The following CTNND1 variants were observed in gnomAD, a reference collection of about 807,000 sequenced individuals.
CTNND1 encodes catenin delta-1.
A neutral mutation model predicts 112.1 loss-of-function variants in CTNND1; 16 were observed. That is an observed-to-expected ratio of 0.14 (90% CI 0.10 to 0.22). CTNND1 has a LOEUF of 0.22. Among genes scored for constraint, CTNND1 ranks in the 10% least tolerant of loss-of-function variants. The probability of loss-of-function intolerance (pLI) is 1.00; values close to 1 mark genes in which losing one functional copy is unlikely to be tolerated. For synonymous variants in CTNND1, 420 were observed against 446.5 expected (o/e 0.94, Z 0.75); for missense variants, 1,008 against 1,257.0 (o/e 0.80, Z 3.00).
intron 3 of CTNND1, chr11:57,793,207 G>C (rs1406894302): frequency 6.6e-6 from 1 of 152,166 alleles, no homozygotes; most frequent in Admixed American, 6.5e-5. Flanking sequence ...AGTCTCCCAA[G>C]GTGGTTGGAT....
Position 57,816,374 on chromosome 11 carries a change from T to C in CTNND1, c.*66T>C, listed in dbSNP as rs2063996767. 1 of 1,600,844 alleles carries C rather than the reference T, an allele frequency of 6.2e-7. No homozygotes were observed. The highest frequency in any genetic ancestry group is 1.3e-5 in the African/African-American group (1 of 74,614). On this transcript the variant is annotated 3_prime_UTR_variant, in exon 21 of 21. Coordinates refer to ENST00000399050, the MANE Select transcript of CTNND1 (RefSeq NM_001085458.2). ...ATTTTTTGGTGGTGAAATTGACTGA[T>C]GATTTTCCTTTTTCTTCGCTGGACT...
intron 2 of CTNND1, 57 bp from the exon 3 acceptor site, chr11:57,791,328 A>C: frequency 7.9e-7 from 1 of 1,263,800 alleles, no homozygotes; most frequent in Non-Finnish European, 1.0e-6. Flanking sequence ...TTAATAATTC[A>C]TCTGTCTTCT....
rs11570192 is a variant in CTNND1, at chr11:57,793,945, G to A, written c.196-65G>A. 1.0e-3 allele frequency: 1,543 copies of A among 1,527,966 alleles called. 22 individuals carry two copies. In the African/African-American group the frequency reaches 0.019, roughly 19 times the overall value. 94.7% of individuals were successfully genotyped at this position (1,527,966 alleles called of 1,614,324 possible). ...CCTTTTCCTGTTTGAAAAAAAGATC[G>A]TTTGTATTTGATAGAGCAAAAGAAG... is the stretch of plus-strand genomic sequence containing the variant. On this transcript the variant is annotated intron_variant, in intron 3 of 20. Transcript: ENST00000399050.
In CTNND1 at chr11:57,810,113, C is replaced by T. The variant is rs567503673; in HGVS notation, c.2440C>T (p.Arg814Cys). Residue 814 changes from arginine to cysteine, a missense_variant, in exon 16 of 21, where the codon CGC becomes TGC. By Grantham distance (180) the Arg-to-Cys change is radical. This residue lies in a region of CTNND1 where 254 missense variants were observed against 279.5 expected (regional missense o/e 0.91). Coordinates refer to ENST00000399050, the MANE Select transcript of CTNND1 (RefSeq NM_001085458.2). ...TGGTGTTACTTTCCTCCAAAGGAACCGCTCAGAAAAAGAAGTTCGAGCAGC... is the reference window on the plus strand; with the variant it reads ...TGGTGTTACTTTCCTCCAAAGGAACTGCTCAGAAAAAGAAGTTCGAGCAGC... ...KLVLINKSGN[R>C]SEKEVRAAAL... 1.6e-5 allele frequency: 26 copies of T among 1,607,630 alleles called. No homozygotes were observed. The highest frequency in any genetic ancestry group is 1.2e-4 in the South Asian group (11 of 89,902).
chr11:57,765,707 ATCC>A (rs542026970), intron 1 of CTNND1, among the ~76,000 whole-genome samples: 134 of 152,166 alleles, frequency 8.8e-4, no homozygotes, highest in African/African-American at 2.9e-3. Flanking sequence ...GGCTCAAGCC[ATCC>A]TCCTACCTCG....
chr11:57,812,299 C>T (rs1403503255), intron 17 of CTNND1, among the ~76,000 whole-genome samples: 1 of 152,188 alleles, frequency 6.6e-6, no homozygotes, highest in Admixed American at 6.5e-5. Context: ...GCGGGCAGAT[C>T]ACCTGAGGTC....
intron 1 of CTNND1, among the ~76,000 whole-genome samples, chr11:57,764,390 A>G (rs1282765456): frequency 6.6e-6 from 1 of 152,180 alleles, no homozygotes; most frequent in Non-Finnish European, 1.5e-5. Flanking sequence ...CTAAGTAATT[A>G]CAATCCAGCC....
chr11:57,795,399 C>G (rs1189029412), intron 4 of CTNND1, among the ~76,000 whole-genome samples, 178 bp from the exon 5 acceptor site: 1 of 152,176 alleles, frequency 6.6e-6, no homozygotes, highest in Non-Finnish European at 1.5e-5. Flanking sequence ...GAAATTATGT[C>G]TACTGTCCTT....
chr11:57,799,979 GTTTTTTTTTT>G (rs1157141511), intron 6 of CTNND1, among the ~76,000 whole-genome samples: 9 of 58,834 alleles, frequency 1.5e-4, no homozygotes, highest in South Asian at 7.3e-4. Context: ...TTGTTTCCGT[GTTTTTTTTTT>G]TTTTTTTTTT....
At chr11:57,799,131 C>G (rs1319696823) in intron 6 of CTNND1, among the ~76,000 whole-genome samples, 1 of 152,220 alleles carries the variant, frequency 6.6e-6, no homozygotes, top group Non-Finnish European at 1.5e-5. Context: ...TTATCTAAGA[C>G]TGAGTCACTC....
At chr11:57,801,662 G>T in intron 6 of CTNND1, 71 bp from the exon 7 acceptor site, 4 of 1,263,148 alleles carry the variant, frequency 3.2e-6, no homozygotes, top group Non-Finnish European at 4.5e-6. Flanking sequence ...GCAGATGAGG[G>T]TAATGGGAAT....
rs1362981456 is a variant in CTNND1 at position 57,818,685 on chromosome 11, A to AGC, written c.*2378_*2379dup. On this transcript the variant is annotated 3_prime_UTR_variant, in exon 21 of 21. Transcript: ENST00000399050. ...GAATGTGGCTGAAGTTGAACATGGG[A>AGC]GCTTATTGCTAATTTAGAGATAGGA... is the stretch of plus-strand genomic sequence containing the variant. 13 of 152,214 alleles carry AGC rather than the reference A, an allele frequency of 8.5e-5. No homozygotes were observed. Among genetic ancestry groups the AGC allele is most frequent in the African/African-American group, 3.1e-4 (13 of 41,464 alleles). 9.4% of individuals were successfully genotyped at this position (152,214 alleles called of 1,614,324 possible). A position where few individuals can be genotyped will look rare whatever the true frequency, so the allele number is the denominator to read the frequency against.
rs752741324 is a variant in CTNND1 at position 57,803,655 on chromosome 11, C to T, written c.1455C>T (p.Ile485=). 6.2e-6 allele frequency: 10 copies of T among 1,612,346 alleles called. No individual in the cohort carries two copies. Among genetic ancestry groups the T allele is most frequent in the Non-Finnish European group, 8.5e-6 (10 of 1,179,422 alleles). ...TLWNLSSHDS[I]KMEIVDHALH... is the part of the protein sequence containing the mutation. ...GGAATCTTTCATCCCATGACTCAAT[C>T]AAAATGGAGATTGTGGACCATGCAC... is the stretch of plus-strand genomic sequence containing the variant. Residue 485 remains isoleucine (I), a synonymous_variant, in exon 8 of 21, where the codon ATC becomes ATT. Transcript: ENST00000399050.
Position 57,796,770 on chromosome 11 carries a change from T to C in CTNND1, c.734T>C (p.Met245Thr). Residue 245 changes from methionine (M) to threonine (T), a missense_variant, in exon 6 of 21, where the codon ATG (methionine) becomes ACG (threonine). Met to Thr is a moderately conservative substitution (Grantham distance 81, BLOSUM62 -1). Coordinates refer to ENST00000399050, the MANE Select transcript of CTNND1 (RefSeq NM_001085458.2). Reference sequence around the variant, plus strand: ...ATTGAGGAGCGGTATAGGCCCAGCATGGAAGGCTACCGGGCACCTAGTAGA... The same window carrying C: ...ATTGAGGAGCGGTATAGGCCCAGCACGGAAGGCTACCGGGCACCTAGTAGA... ...TRIEERYRPS[M>T]EGYRAPSRQD... The C allele has an allele frequency of 6.2e-7, 1 of 1,610,770 alleles. No individual in the cohort carries two copies. Among genetic ancestry groups the C allele is most frequent in the South Asian group, 1.1e-5 (1 of 90,892 alleles).
At chr11:57,786,600 C>T (rs181436041) in intron 1 of CTNND1, among the ~76,000 whole-genome samples, 5 of 152,210 alleles carry the variant, frequency 3.3e-5, no homozygotes, top group Admixed American at 3.3e-4. Flanking sequence ...CTTGTAATTA[C>T]GACTCCTGAC....
Position 57,806,455 on chromosome 11 carries a change from T to C in CTNND1, c.1877-6T>C. 6.2e-7 allele frequency: 1 copy of C among 1,602,640 alleles called. No homozygotes were observed. The highest frequency in any genetic ancestry group is 8.5e-7 in the Non-Finnish European group (1 of 1,173,730). On this transcript the variant is annotated splice_region_variant and splice_polypyrimidine_tract_variant and intron_variant, in intron 10 of 20. Coordinates refer to ENST00000399050, the MANE Select transcript of CTNND1 (RefSeq NM_001085458.2). ...CTGCTTTCTACCTTGGGTGATGCACTGGAAGATGAGTGGTTCTCCAGAGGT... is the reference window on the plus strand; with the variant it reads ...CTGCTTTCTACCTTGGGTGATGCACCGGAAGATGAGTGGTTCTCCAGAGGT...
At chr11:57,797,144 T>C (rs1230915500) in intron 6 of CTNND1, among the ~76,000 whole-genome samples, 152 bp downstream of exon 6, 2 of 150,940 alleles carry the variant, frequency 1.3e-5, no homozygotes, top group African/African-American at 4.9e-5. Context: ...ACCCTGTTTT[T>C]CCCTTTTCTG....
chr11:57,784,298 C>G (rs2136406055), intron 1 of CTNND1, among the ~76,000 whole-genome samples: 1 of 150,188 alleles, frequency 6.7e-6, no homozygotes, highest in East Asian at 2.1e-4. Context: ...AATCCCTGCA[C>G]TTTGGGAGGC....
chr11:57,793,270 T>C (rs186460425), intron 3 of CTNND1: 23 of 151,420 alleles, frequency 1.5e-4, no homozygotes, highest in African/African-American at 5.5e-4. Flanking sequence ...TGTGGTATAA[T>C]GTCATTAGAT....
Sources: allele counts gnomAD v4.1 joint callset (sites outside exome capture counted in the v4.1 genomes callset), GRCh38; gene constraint gnomAD v4.1.1; regional missense constraint gnomAD v4.1.1; transcripts MANE v1.5; gene names NCBI Gene and HGNC (gene_info 2026-07-23, HGNC 2026-07-21).